MAP2K5: variants seen among roughly 807,000 people sequenced by gnomAD.
MAP2K5 encodes the protein dual specificity mitogen-activated protein kinase kinase 5.
A neutral mutation model predicts 83.1 loss-of-function variants in MAP2K5; 49 were observed. The observed-to-expected ratio is 0.59, with a 90% confidence interval of 0.47 to 0.75. The LOEUF (loss-of-function observed/expected upper bound fraction) is 0.75, where lower values mean the gene tolerates loss of function less well. Ranked by LOEUF, MAP2K5 falls within the 30% of genes least tolerant of loss-of-function variation. The pLI is 0.00. For missense variants in MAP2K5, 457 were observed against 557.5 expected (o/e 0.82, Z 1.82); for synonymous variants, 202 against 191.8 (o/e 1.05, Z -0.44).
At chr15:67,630,818 T>C (rs567686667) in intron 8 of MAP2K5, 70 bp from the exon 9 acceptor site, 1 of 1,115,554 alleles carries the variant, frequency 9.0e-7, no homozygotes, top group East Asian at 2.4e-5. Context: ...TGGATTTACA[T>C]TTATGTCCTT....
intron 8 of MAP2K5, among the ~76,000 whole-genome samples, chr15:67,615,010 T>C (rs1178461283): frequency 6.6e-6 from 1 of 152,124 alleles, no homozygotes; most frequent in Non-Finnish European, 1.5e-5. Flanking sequence ...TCTTTCTTTC[T>C]TTCTGAGACA....
At position 67,644,124 on chromosome 15, in the gene MAP2K5, T is replaced by G. The variant is rs1247616863; in HGVS notation, c.586-2107T>G. 2.0e-5 allele frequency among the ~76,000 whole-genome samples: 3 copies of G among 152,188 alleles called. No homozygotes were observed. The highest frequency in any genetic ancestry group is 4.4e-5 in the Non-Finnish European group (3 of 68,032). ...AAAGTAAAAAACAAGCTGGGCACGG[T>G]GGCTCACGCCTGTAATCCCAGCACT... is the stretch of plus-strand genomic sequence containing the variant. On this transcript the variant is annotated intron_variant, in intron 9 of 21. Coordinates refer to ENST00000178640, the MANE Select transcript of MAP2K5 (RefSeq NM_145160.3). This position sits in a 1 kb window ranked among gnomAD's most constrained non-coding sequence, Gnocchi z 4.6.
chr15:67,625,020 A>G (rs2086284906), intron 8 of MAP2K5, among the ~76,000 whole-genome samples: 2 of 152,172 alleles, frequency 1.3e-5, no homozygotes, highest in African/African-American at 4.8e-5. Flanking sequence ...GTGAGCTTGG[A>G]TAAGTTATTT....
chr15:67,800,697 G>A (rs760313971), intron 21 of MAP2K5, among the ~76,000 whole-genome samples: 2 of 152,144 alleles, frequency 1.3e-5, no homozygotes, highest in African/African-American at 4.8e-5. Context: ...CAGAGCCATG[G>A]ACCACACTGT....
chr15:67,642,306 T>G (rs983839644), intron 9 of MAP2K5: 1 of 649,116 alleles, frequency 1.5e-6, no homozygotes, highest in African/African-American at 1.8e-5. Flanking sequence ...TAGGCACTAC[T>G]GTGAGTTAGA....
In MAP2K5 at chr15:67,542,956, G is replaced by C. The variant is rs1351405528; in HGVS notation, c.-380G>C. 1.2e-5 allele frequency: 3 copies of C among 248,766 alleles called. No homozygotes were observed. Among genetic ancestry groups the C allele is most frequent in the African/African-American group, 6.7e-5 (3 of 44,894 alleles). The allele number at this position is 248,766 out of a possible 1,614,324, so 15.4% of individuals were successfully genotyped here. A position where few individuals can be genotyped will look rare whatever the true frequency, so the allele number is the denominator to read the frequency against. ...TCTCCTAGTCCACTGACGAGCGGTGGACACCTGCCGCTGTATCTCCCCCAA... is the reference window on the plus strand; with the variant it reads ...TCTCCTAGTCCACTGACGAGCGGTGCACACCTGCCGCTGTATCTCCCCCAA... On this transcript the variant is annotated 5_prime_UTR_variant, in exon 1 of 22. Transcript: ENST00000178640.
intron 3 of MAP2K5, among the ~76,000 whole-genome samples, chr15:67,571,902 G>A (rs2084954458): frequency 6.6e-6 from 1 of 152,180 alleles, no homozygotes; most frequent in African/African-American, 2.4e-5. Context: ...TGGTGGGGGT[G>A]CAGTGAGCGT....
rs1239630785 is a variant in MAP2K5, at chr15:67,572,857, C to A, written c.253-7897C>A. Among the ~76,000 whole-genome samples the A allele has an allele frequency of 6.6e-6, 1 of 152,024 alleles. No homozygotes were observed. The highest frequency in any genetic ancestry group is 2.4e-5 in the African/African-American group (1 of 41,382). On this transcript the variant is annotated intron_variant, in intron 3 of 21. Coordinates refer to ENST00000178640, the MANE Select transcript of MAP2K5 (RefSeq NM_145160.3). The surrounding 1 kb of genome is among the most constrained non-coding windows in gnomAD (Gnocchi z 4.2). ...GGGACTACAGGCACCTGCTACCACG[C>A]CCAGCTAAGTTTTGTATTTTTAGTA...
rs1040235043 is a variant in MAP2K5, at chr15:67,775,074, C to A, written c.1242+2322C>A. Reference sequence around the variant, plus strand: ...ACTGGTGGGCTAGATCACCCTTACTCCTGGGTCTGGGCCATGCAGAGTGGG... The same window carrying A: ...ACTGGTGGGCTAGATCACCCTTACTACTGGGTCTGGGCCATGCAGAGTGGG... On this transcript the variant is annotated intron_variant, in intron 21 of 21. Transcript: ENST00000178640. The surrounding 1 kb of genome is among the most constrained non-coding windows in gnomAD (Gnocchi z 5.3). Among the ~76,000 whole-genome samples the A allele has an allele frequency of 1.5e-4, 23 of 152,204 alleles. No homozygotes were observed. The highest frequency in any genetic ancestry group is 2.4e-5 in the African/African-American group (1 of 41,440).
intron 17 of MAP2K5, among the ~76,000 whole-genome samples, chr15:67,732,192 A>G (rs142016857): frequency 2.2e-4 from 33 of 152,354 alleles, no homozygotes; most frequent in African/African-American, 7.5e-4. Flanking sequence ...GGAGCTGCCT[A>G]TAGTTAATCA....
At chr15:67,571,946 T>C (rs2084956075) in intron 3 of MAP2K5, among the ~76,000 whole-genome samples, 1 of 152,046 alleles carries the variant, frequency 6.6e-6, no homozygotes, top group African/African-American at 2.4e-5. Context: ...CATGGTCCAG[T>C]CAGGGAGATT....
chr15:67,548,559 T>G (rs1311468902), intron 1 of MAP2K5, among the ~76,000 whole-genome samples: 1 of 152,226 alleles, frequency 6.6e-6, no homozygotes, highest in African/African-American at 2.4e-5. Flanking sequence ...GATCTGATAT[T>G]ACACATGAGG....
chr15:67,739,694 T>A (rs2089450380), intron 17 of MAP2K5, among the ~76,000 whole-genome samples: 1 of 151,636 alleles, frequency 6.6e-6, no homozygotes, highest in South Asian at 2.1e-4. Flanking sequence ...TTGGGCAGGC[T>A]GATCTCAAAC....
At chr15:67,656,983 C>T (rs985956695) in intron 11 of MAP2K5, among the ~76,000 whole-genome samples, 2 of 152,164 alleles carry the variant, frequency 1.3e-5, no homozygotes, top group African/African-American at 4.8e-5. Flanking sequence ...ATCATTTTTT[C>T]ACCTATGACG....
At chr15:67,613,892 TA>T (rs1332152630) in intron 8 of MAP2K5, among the ~76,000 whole-genome samples, 1 of 151,936 alleles carries the variant, frequency 6.6e-6, no homozygotes. Context: ...TTTGACCCAC[TA>T]GGGTACTATT....
At chr15:67,643,219 C>T (rs1009574800) in intron 9 of MAP2K5, among the ~76,000 whole-genome samples, 7 of 151,968 alleles carry the variant, frequency 4.6e-5, no homozygotes, top group Non-Finnish European at 8.8e-5. Context: ...GTGAGAGATT[C>T]CTGGTACTTG....
chr15:67,604,986 A>G (rs2085748811), intron 8 of MAP2K5, among the ~76,000 whole-genome samples: 1 of 152,146 alleles, frequency 6.6e-6, no homozygotes, highest in South Asian at 2.1e-4. Context: ...ACTACTGGTA[A>G]TGGTAGTACT....
chr15:67,750,071 T>C lies in MAP2K5; in HGVS notation c.1134+1470T>C, dbSNP rs1294876466. ...TTTCATTCCTTATTTAAAGTAACAG[T>C]TATTGCTGTTCAATTTAAAATATCT... On this transcript the variant is annotated intron_variant, in intron 19 of 21. Transcript: ENST00000178640. This position sits in a 1 kb window ranked among gnomAD's most constrained non-coding sequence, Gnocchi z 4.2. Among the ~76,000 whole-genome samples the C allele has an allele frequency of 2.0e-5, 3 of 152,238 alleles. No individual in the cohort carries two copies. The highest frequency in any genetic ancestry group is 4.4e-5 in the Non-Finnish European group (3 of 68,052).
intron 19 of MAP2K5, among the ~76,000 whole-genome samples, chr15:67,756,933 T>G (rs772350398): frequency 2.6e-5 from 4 of 152,320 alleles, no homozygotes; most frequent in Non-Finnish European, 4.4e-5. Flanking sequence ...CACATTTTCT[T>G]TATTCATCTA....
Sources: gnomAD v4.1 joint callset for allele counts (sites outside exome capture counted in the v4.1 genomes callset) on GRCh38, gnomAD v4.1.1 for gene constraint, Gnocchi (gnomAD v3.1) non-coding constraint, MANE v1.5 for transcripts, NCBI Gene and HGNC (gene_info 2026-07-23, HGNC 2026-07-21) for gene names.